ATP9A: variants seen among roughly 807,000 people sequenced by gnomAD.
ATP9A encodes the protein ATPase phospholipid transporting 9A, also known as probable phospholipid-transporting ATPase IIA.
In ATP9A, 52 loss-of-function variants were observed where a neutral mutation model predicts 144.1. That is an observed-to-expected ratio of 0.36 (90% CI 0.29 to 0.45). The LOEUF is 0.45. Among genes scored for constraint, ATP9A ranks in the 20% least tolerant of loss-of-function variants. The pLI is 1.00. For missense variants in ATP9A, 947 were observed against 1,392.7 expected, an observed-to-expected ratio of 0.68 and a Z score of 5.09; for synonymous variants, 582 against 557.4, an observed-to-expected ratio of 1.04 and a Z score of -0.62.
intron 9 of ATP9A, among the ~76,000 whole-genome samples, chr20:51,682,441 T>A (rs142296959): frequency 5.9e-5 from 9 of 152,180 alleles, no homozygotes; most frequent in South Asian, 2.1e-4. Flanking sequence ...GCCCTGCCTA[T>A]GCCAGATGCA....
At chr20:51,752,598 G>A (rs1257451497) in intron 1 of ATP9A, among the ~76,000 whole-genome samples, 6 of 151,336 alleles carry the variant, frequency 4.0e-5, no homozygotes, top group South Asian at 2.1e-4. Flanking sequence ...TCAAACAGCC[G>A]GCAATTCTCT....
chr20:51,598,340 C>T lies in ATP9A; in HGVS notation c.*2871G>A, dbSNP rs2077127952. The T allele has an allele frequency of 6.6e-6, 1 of 152,140 alleles. No homozygotes were observed. The highest frequency in any genetic ancestry group is 1.5e-5 in the Non-Finnish European group (1 of 67,996). The allele number at this position is 152,140 out of a possible 1,614,324, so 9.4% of individuals were successfully genotyped here. On this transcript the variant is annotated 3_prime_UTR_variant, in exon 28 of 28. Coordinates refer to ENST00000338821, the MANE Select transcript of ATP9A (RefSeq NM_006045.3). ...AGAAATAGCTAGTGTTGTCAGAGGG[C>T]GCAGGGAGCTGTGAGTTTTGCTTTC...
chr20:51,655,519 A>G (rs1306512589), intron 14 of ATP9A, among the ~76,000 whole-genome samples: 1 of 152,226 alleles, frequency 6.6e-6, no homozygotes, highest in Non-Finnish European at 1.5e-5. Flanking sequence ...GCCAATAAGC[A>G]TACGAAAAGA....
chr20:51,742,260 G>T (rs1345054255), intron 1 of ATP9A, among the ~76,000 whole-genome samples: 1 of 151,700 alleles, frequency 6.6e-6, no homozygotes, highest in African/African-American at 2.4e-5. Flanking sequence ...GGGAAGTCGA[G>T]GCTGCAGTGA....
intron 1 of ATP9A, among the ~76,000 whole-genome samples, chr20:51,767,450 C>T (rs1338065869): frequency 6.9e-6 from 1 of 145,210 alleles, no homozygotes; most frequent in Non-Finnish European, 1.5e-5. Flanking sequence ...GCAGGCGATA[C>T]GAGAGCCCCG....
intron 10 of ATP9A, among the ~76,000 whole-genome samples, chr20:51,675,664 G>C (rs1263390759): frequency 1.3e-5 from 2 of 152,224 alleles, no homozygotes; most frequent in Non-Finnish European, 2.9e-5. Flanking sequence ...AGGATCACTT[G>C]ATGTCCGGAG....
At chr20:51,704,609 C>T (rs777718602) in intron 4 of ATP9A, among the ~76,000 whole-genome samples, 1 of 151,896 alleles carries the variant, frequency 6.6e-6, no homozygotes, top group Non-Finnish European at 1.5e-5. Flanking sequence ...GGAGAAACAC[C>T]GTCTCTACTA....
At chr20:51,601,586 T>C (rs1434203221) in intron 27 of ATP9A, among the ~76,000 whole-genome samples, 1 of 152,186 alleles carries the variant, frequency 6.6e-6, no homozygotes, top group Non-Finnish European at 1.5e-5. Context: ...GACAGTGAAA[T>C]GCTACTTTTA....
rs138906972 is a variant in ATP9A, at chr20:51,611,445, T to A, written c.2572-1280A>T. On this transcript the variant is annotated intron_variant, in intron 23 of 27. Coordinates refer to ENST00000338821, the MANE Select transcript of ATP9A (RefSeq NM_006045.3). This position sits in a 1 kb window ranked among gnomAD's most constrained non-coding sequence, Gnocchi z 4.2. The stretch of plus-strand genomic sequence containing the variant: ...GGAGCCCCTTCCTCTAAAAGGGTCA[T>A]CCTAACCACAAAGTCTTCATCTCGA... 6.5e-3 allele frequency among the ~76,000 whole-genome samples: 986 copies of A among 152,344 alleles called. 15 individuals are homozygous for A. Among genetic ancestry groups the A allele is most frequent in the African/African-American group, 0.023 (938 of 41,584 alleles).
chr20:51,643,102 C>T (rs187043874), intron 14 of ATP9A, among the ~76,000 whole-genome samples: 146 of 152,308 alleles, frequency 9.6e-4, no homozygotes, highest in African/African-American at 3.4e-3. Context: ...GTTTCTGTTG[C>T]TTCTATTAAC....
At chr20:51,628,588 T>G (rs2077258939) in intron 16 of ATP9A, among the ~76,000 whole-genome samples, 1 of 152,206 alleles carries the variant, frequency 6.6e-6, no homozygotes, top group Non-Finnish European at 1.5e-5. Flanking sequence ...CTGCAAGGAA[T>G]AGAGGGCGGC....
intron 1 of ATP9A, among the ~76,000 whole-genome samples, chr20:51,758,631 A>C (rs2077866203): frequency 6.6e-6 from 1 of 152,196 alleles, no homozygotes; most frequent in African/African-American, 2.4e-5. Context: ...CAGTAGGTAG[A>C]AAGAGCCCTT....
intron 4 of ATP9A, among the ~76,000 whole-genome samples, chr20:51,705,745 C>A (rs6067905): frequency 0.25 from 37,597 of 152,102 alleles, 4,997 homozygotes; most frequent in Non-Finnish European, 0.28. Context: ...CCCCCACCCC[C>A]ATTAAACTTT....
At chr20:51,756,178 T>C (rs1308485073) in intron 1 of ATP9A, among the ~76,000 whole-genome samples, 2 of 152,030 alleles carry the variant, frequency 1.3e-5, no homozygotes, top group African/African-American at 4.8e-5. Context: ...AAGAACAAGG[T>C]GTCAGCAGGG....
intron 14 of ATP9A, among the ~76,000 whole-genome samples, chr20:51,642,852 G>A (rs754606853): frequency 1.3e-4 from 20 of 149,214 alleles, no homozygotes; most frequent in Non-Finnish European, 2.4e-4. Context: ...TCCACCCCTA[G>A]TCCTTTCTTT....
chr20:51,633,721 A>AGTGCAGT (rs2122738278), intron 15 of ATP9A, among the ~76,000 whole-genome samples: 1 of 151,984 alleles, frequency 6.6e-6, no homozygotes, highest in South Asian at 2.1e-4. Context: ...ACTCCAGCCT[A>AGTGCAGT]GGTAACAGAG....
chr20:51,668,949 A>G (rs1014577831), intron 13 of ATP9A, among the ~76,000 whole-genome samples: 1 of 152,232 alleles, frequency 6.6e-6, no homozygotes, highest in African/African-American at 2.4e-5. Context: ...TTCTGCCTTT[A>G]ACCTGTATAC....
intron 13 of ATP9A, among the ~76,000 whole-genome samples, chr20:51,658,098 T>C (rs945751219): frequency 6.6e-6 from 1 of 152,142 alleles, no homozygotes; most frequent in African/African-American, 2.4e-5. Context: ...GCCTTATTCT[T>C]GGATGGGTGG....
intron 13 of ATP9A, among the ~76,000 whole-genome samples, chr20:51,657,542 T>TA (rs1382280844): frequency 1.3e-5 from 2 of 152,058 alleles, no homozygotes; most frequent in African/African-American, 4.8e-5. Context: ...GGACATTATA[T>TA]AGGGTGTTCA....
Sources: gnomAD v4.1 joint callset for allele counts (sites outside exome capture counted in the v4.1 genomes callset) on GRCh38, gnomAD v4.1.1 for gene constraint, Gnocchi (gnomAD v3.1) non-coding constraint, MANE v1.5 for transcripts, NCBI Gene and HGNC (gene_info 2026-07-23, HGNC 2026-07-21) for gene names.